The following OTOG variants were observed in gnomAD, a reference collection of about 807,000 sequenced individuals.
The protein encoded by OTOG is otogelin.
In OTOG, 296 loss-of-function variants were observed where a neutral mutation model predicts 313.8. The ratio of observed to expected loss-of-function variants is 0.94; its 90% confidence interval spans 0.86 to 1.04. The LOEUF (loss-of-function observed/expected upper bound fraction) is 1.04. OTOG is among the 50% of genes least tolerant of loss of function. The probability of loss-of-function intolerance (pLI) is 0.00; values close to 1 mark genes in which losing one functional copy is unlikely to be tolerated. For missense variants in OTOG, 3,948 were observed against 3,840.1 expected (o/e 1.03, Z -0.74); for synonymous variants, 1,533 against 1,554.9 (o/e 0.99, Z 0.33).
At position 17,547,542 on chromosome 11, in the gene OTOG, C is replaced by T. The variant is rs568988885; in HGVS notation, c.94+76C>T. The T allele has an allele frequency of 1.9e-5, 24 of 1,272,580 alleles. No individual in the cohort carries two copies. In the Admixed American group the frequency reaches 4.3e-4, roughly 23 times the overall value. The allele number at this position is 1,272,580 out of a possible 1,614,324, so 78.8% of individuals were successfully genotyped here. ...GTTAAAGGAATGAGGAATGGGCCCG[C>T]GCAGGTTGGAGAGAGGGAGGAAAGA... On this transcript the variant is annotated intron_variant, in intron 1 of 55. Coordinates refer to ENST00000399397, the MANE Select transcript of OTOG (RefSeq NM_001292063.2).
At position 17,570,243 on chromosome 11, in the gene OTOG, T is replaced by C; in HGVS notation, c.1808T>C (p.Val603Ala). ...DAFEIRRLSSVFLRVRTNVGV... is the reference protein window; with the variant it reads ...DAFEIRRLSSAFLRVRTNVGV... Reference sequence around the variant, plus strand: ...TTTGAGATCCGTAGGCTGTCCTCCGTGTTCCTGCGGGTGAGGACGAACGTG... The same window carrying C: ...TTTGAGATCCGTAGGCTGTCCTCCGCGTTCCTGCGGGTGAGGACGAACGTG... Residue 603 changes from valine to alanine, a missense_variant, in exon 17 of 56, where the codon GTG becomes GCG. Val to Ala is a moderately conservative substitution (Grantham distance 64). Transcript: ENST00000399397. The C allele has an allele frequency of 6.4e-7, 1 of 1,550,860 alleles. No homozygotes were observed. The highest frequency in any genetic ancestry group is 8.7e-7 in the Non-Finnish European group (1 of 1,147,042).
chr11:17,592,743 T>A (rs892452957), intron 25 of OTOG, among the ~76,000 whole-genome samples: 9 of 152,198 alleles, frequency 5.9e-5, no homozygotes, highest in African/African-American at 2.2e-4. Flanking sequence ...ACATTTAGGT[T>A]GTCTCCAATA....
chr11:17,598,433 T>G (rs1321369011), intron 30 of OTOG, among the ~76,000 whole-genome samples: 1 of 152,194 alleles, frequency 6.6e-6, no homozygotes, highest in East Asian at 1.9e-4. Flanking sequence ...CATGGATATT[T>G]TTGCATTAAT....
intron 7 of OTOG, 39 bp from the exon 8 acceptor site, chr11:17,557,079 T>C (rs1852071292): frequency 6.5e-7 from 1 of 1,534,822 alleles, no homozygotes; most frequent in Non-Finnish European, 8.8e-7. Flanking sequence ...CTAGTGGAGG[T>C]GTTGTGGATA....
At chr11:17,552,425 TTG>T (rs1259004074) in intron 4 of OTOG, among the ~76,000 whole-genome samples, 1 of 151,888 alleles carries the variant, frequency 6.6e-6, no homozygotes, top group Non-Finnish European at 1.5e-5. Context: ...GCCCTTCATC[TTG>T]TGTTGTCTGT....
intron 23 of OTOG, among the ~76,000 whole-genome samples, chr11:17,580,444 G>A (rs1344497868): frequency 6.6e-6 from 1 of 152,264 alleles, no homozygotes; most frequent in East Asian, 1.9e-4. Flanking sequence ...GGTCCCTGGA[G>A]TGAGAAGGTC....
chr11:17,635,011 T>C, intron 45 of OTOG, 63 bp downstream of exon 45: 1 of 1,534,950 alleles, frequency 6.5e-7, no homozygotes, highest in Admixed American at 2.0e-5. Flanking sequence ...AGGACAGCTC[T>C]GGGGGCAGGG....
At chr11:17,595,935 C>A in intron 28 of OTOG, 103 bp from the exon 29 acceptor site, 1 of 777,604 alleles carries the variant, frequency 1.3e-6, no homozygotes, top group Non-Finnish European at 2.2e-6. Flanking sequence ...ACCTGAATAT[C>A]AGGGGGCAAG....
At chr11:17,558,408 G>C in intron 9 of OTOG, 93 bp downstream of exon 9, 1 of 1,524,534 alleles carries the variant, frequency 6.6e-7, no homozygotes, top group Non-Finnish European at 8.9e-7. Context: ...CAGAATGTCT[G>C]GTGCCCTTGA....
chr11:17,555,237 C>G (rs556168417), intron 6 of OTOG, among the ~76,000 whole-genome samples: 1 of 142,156 alleles, frequency 7.0e-6, no homozygotes, highest in Admixed American at 6.8e-5. Flanking sequence ...GTGTGTGTGA[C>G]AGCAGCACAG....
intron 10 of OTOG, among the ~76,000 whole-genome samples, 192 bp downstream of exon 10, chr11:17,558,836 G>A (rs1485348264): frequency 6.6e-6 from 1 of 152,242 alleles, no homozygotes; most frequent in Non-Finnish European, 1.5e-5. Flanking sequence ...GACCCCGTTA[G>A]GGTCACATAA....
At chr11:17,579,843 G>A (rs1852625947) in intron 23 of OTOG, among the ~76,000 whole-genome samples, 1 of 152,142 alleles carries the variant, frequency 6.6e-6, no homozygotes, top group African/African-American at 2.4e-5. Flanking sequence ...CTGGACTGGA[G>A]ACCGGGAGAC....
Position 17,612,676 on chromosome 11 carries a change from G to C in OTOG, c.6349G>C (p.Ala2117Pro). The C allele has an allele frequency of 6.4e-7, 1 of 1,550,566 alleles. No individual in the cohort carries two copies. Among genetic ancestry groups the C allele is most frequent in the East Asian group, 2.4e-5 (1 of 40,914 alleles). ...CGTGACCTTCGATGGGAGCCACGTA[G>C]CTCTGTTCAAGGAGGCCATCTACAT... ...SFVTFDGSHVALFKEAIYILS... is the reference protein window; with the variant it reads ...SFVTFDGSHVPLFKEAIYILS... The change falls in exon 38 of 56, where the codon GCT becomes CCT. Residue 2117 changes from alanine to proline, a missense_variant. Ala to Pro is a conservative substitution (Grantham distance 27). Transcript: ENST00000399397.
intron 47 of OTOG, among the ~76,000 whole-genome samples, chr11:17,637,281 A>G (rs1173143647): frequency 6.6e-6 from 1 of 152,036 alleles, no homozygotes; most frequent in Non-Finnish European, 1.5e-5. Context: ...TTCCATGTTA[A>G]TACATTTTCA....
At chr11:17,579,464 C>T (rs985327997) in intron 23 of OTOG, among the ~76,000 whole-genome samples, 1 of 152,020 alleles carries the variant, frequency 6.6e-6, no homozygotes, top group Non-Finnish European at 1.5e-5. Context: ...GGAAGTGGTG[C>T]CCAAAGAGCC....
intron 25 of OTOG, among the ~76,000 whole-genome samples, chr11:17,592,546 G>T (rs1046054218): frequency 2.0e-5 from 3 of 150,996 alleles, no homozygotes; most frequent in African/African-American, 7.3e-5. Flanking sequence ...GTGAGACATG[G>T]ACACACACAC....
chr11:17,603,066 G>A (rs1853293842), intron 32 of OTOG, among the ~76,000 whole-genome samples: 1 of 152,188 alleles, frequency 6.6e-6, no homozygotes, highest in Non-Finnish European at 1.5e-5. Flanking sequence ...GCAATGGGGA[G>A]CCATGGAAGG....
At chr11:17,570,563 G>T (rs894075250) in intron 17 of OTOG, 173 bp downstream of exon 17, 31 of 656,102 alleles carry the variant, frequency 4.7e-5, no homozygotes, top group African/African-American at 1.8e-5. Context: ...TAAAGCAGCG[G>T]TTCACAGTCC....
chr11:17,621,378 C>G (rs1853859922), intron 39 of OTOG, among the ~76,000 whole-genome samples: 1 of 152,024 alleles, frequency 6.6e-6, no homozygotes, highest in South Asian at 2.1e-4. Context: ...AAAGCAACAC[C>G]CTTCTGCATA....
Sources: gnomAD v4.1 joint callset for allele counts (sites outside exome capture counted in the v4.1 genomes callset) on GRCh38, gnomAD v4.1.1 for gene constraint, MANE v1.5 for transcripts, NCBI Gene and HGNC (gene_info 2026-07-23, HGNC 2026-07-21) for gene names.